SLFN12: variants seen among roughly 807,000 people sequenced by gnomAD.
The protein encoded by SLFN12 is schlafen family member 12, also known as ribonuclease SLFN12.
A neutral mutation model predicts 29.1 loss-of-function variants in SLFN12; 25 were observed. That is an observed-to-expected ratio of 0.86 (90% CI 0.63 to 1.20). SLFN12 has a LOEUF of 1.20. Ranked by LOEUF, SLFN12 falls within the 50% of genes most tolerant of loss-of-function variation. SLFN12 has a pLI of 0.00. For missense variants in SLFN12, 660 were observed against 666.2 expected (o/e 0.99, Z 0.10); for synonymous variants, 257 against 238.7 (o/e 1.08, Z -0.71).
At position 35,420,304 on chromosome 17, in the gene SLFN12, C is replaced by A. The variant is rs557249288; in HGVS notation, c.1117G>T (p.Glu373Ter). The A allele has an allele frequency of 3.1e-6, 5 of 1,613,662 alleles. No homozygotes were observed. Among genetic ancestry groups the A allele is most frequent in the East Asian group, 4.5e-5 (2 of 44,860 alleles). The change falls in exon 3 of 4, where the codon GAA (glutamate) becomes TAA (stop). Residue 373 changes from glutamate (E) to a stop codon, truncating the protein, a stop_gained. Coordinates refer to ENST00000304905, the MANE Select transcript of SLFN12 (RefSeq NM_018042.5). LOFTEE classifies it low-confidence loss of function (END_TRUNC). The part of the protein sequence containing the change: ...LPAPHSWPLL[E>*]WQRQRHHCPG... ...CAGTGATGTCTCTGCCGTTGCCATT[C>A]CAAAAGAGGCCAACTGTGGGGAGCA...
At chr17:35,428,459 C>G (rs2142050323) in intron 1 of SLFN12, among the ~76,000 whole-genome samples, 1 of 152,074 alleles carries the variant, frequency 6.6e-6, no homozygotes, top group East Asian at 1.9e-4. Context: ...GAACTTTTCC[C>G]CTGTAATTTT....
intron 1 of SLFN12, among the ~76,000 whole-genome samples, chr17:35,426,832 G>A (rs1485657578): frequency 6.6e-6 from 1 of 152,036 alleles, no homozygotes; most frequent in Non-Finnish European, 1.5e-5. Context: ...GATTGAGCGG[G>A]GCTTTCTTGA....
intron 1 of SLFN12, among the ~76,000 whole-genome samples, chr17:35,431,215 T>C (rs2142053654): frequency 6.6e-6 from 1 of 152,252 alleles, no homozygotes; most frequent in East Asian, 1.9e-4. Flanking sequence ...AAACCAAACA[T>C]TGGTTATAAA....
chr17:35,422,430 TC>T lies in SLFN12; in HGVS notation c.598del (p.Glu200AsnfsTer42), dbSNP rs1486945919. 6.2e-7 allele frequency: 1 copy of T among 1,612,872 alleles called. No individual in the cohort carries two copies. Among genetic ancestry groups the T allele is most frequent in the East Asian group, 2.2e-5 (1 of 44,894 alleles). ...LDRKEKLTFT[E>X]STHVEIKNFS... ...GTTTTTAATTTCAACATGTGTGGAT[TC>T]AGTAAAGGTCAATTTTTCTTTCCGA... is the stretch of plus-strand genomic sequence containing the variant. On this transcript the variant is annotated frameshift_variant, in exon 2 of 4. Coordinates refer to ENST00000304905, the MANE Select transcript of SLFN12 (RefSeq NM_018042.5). LOFTEE classifies it high-confidence loss of function.
rs1361692958 is a variant in SLFN12 at position 35,411,466 on chromosome 17, C to T, written c.1609G>A (p.Ala537Thr). ...RKYLLKALFK[A>T]LKRLKSLRDQ... ...CTCAGAGACTTGAGTCTCTTTAAGG[C>T]TTTAAAAAGGGCTTTCAGCAAGTAT... Residue 537 changes from alanine (A) to threonine (T), a missense_variant, in exon 4 of 4, where the codon GCC (alanine) becomes ACC (threonine). By Grantham distance (58) the Ala-to-Thr change is moderately conservative. Coordinates refer to ENST00000304905, the MANE Select transcript of SLFN12 (RefSeq NM_018042.5). 2 of 1,613,914 alleles carry T rather than the reference C, an allele frequency of 1.2e-6. No individual in the cohort carries two copies. Among genetic ancestry groups the T allele is most frequent in the Admixed American group, 3.3e-5 (2 of 60,002 alleles).
intron 1 of SLFN12, among the ~76,000 whole-genome samples, chr17:35,424,069 T>C (rs1911859353): frequency 6.6e-6 from 1 of 152,156 alleles, no homozygotes; most frequent in Non-Finnish European, 1.5e-5. Flanking sequence ...CTTTAGTCTA[T>C]GTATCCCTAA....
rs745955407 is a variant in SLFN12, at chr17:35,411,945, A to G, written c.1148-18T>C. ...TGATAGCCCTGAATAAGGAAATAAT[A>G]ATAATAAATTATAAAACACTAGGAA... On this transcript the variant is annotated intron_variant, in intron 3 of 3. Coordinates refer to ENST00000304905, the MANE Select transcript of SLFN12 (RefSeq NM_018042.5). The G allele has an allele frequency of 6.7e-7, 1 of 1,502,656 alleles. No individual in the cohort carries two copies. Among genetic ancestry groups the G allele is most frequent in the South Asian group, 1.4e-5 (1 of 73,244 alleles). The allele number at this position is 1,502,656 out of a possible 1,614,324, so 93.1% of individuals were successfully genotyped here.
chr17:35,423,149 A>T, intron 1 of SLFN12, 81 bp from the exon 2 acceptor site: 2 of 1,455,696 alleles, frequency 1.4e-6, no homozygotes, highest in Non-Finnish European at 1.8e-6. Context: ...AATGCAAAAA[A>T]ATCCTGTGCT....
chr17:35,412,044 T>A, intron 3 of SLFN12, 117 bp from the exon 4 acceptor site: 1 of 712,066 alleles, frequency 1.4e-6, no homozygotes, highest in Non-Finnish European at 2.1e-6. Flanking sequence ...AAAAGTTGTA[T>A]AAAATATATT....
At chr17:35,416,126 T>C (rs536366958) in intron 3 of SLFN12, among the ~76,000 whole-genome samples, 45 of 152,152 alleles carry the variant, frequency 3.0e-4, no homozygotes, top group Admixed American at 1.9e-3. Context: ...AGCCATCAAG[T>C]GGATAAAGAA....
chr17:35,424,539 C>T (rs1911892391), intron 1 of SLFN12, among the ~76,000 whole-genome samples: 1 of 151,900 alleles, frequency 6.6e-6, no homozygotes, highest in Admixed American at 6.5e-5. Context: ...GTAGGTTTTC[C>T]GAGTGGCATA....
chr17:35,428,228 A>T (rs1010375318), intron 1 of SLFN12, among the ~76,000 whole-genome samples: 1 of 152,152 alleles, frequency 6.6e-6, no homozygotes, highest in Non-Finnish European at 1.5e-5. Context: ...GATATATATT[A>T]TCAAATACTT....
At position 35,422,481 on chromosome 17, in the gene SLFN12, AC is replaced by A; in HGVS notation, c.547del (p.Val183PhefsTer14). The A allele has an allele frequency of 1.2e-6, 2 of 1,612,054 alleles. No individual in the cohort carries two copies. Among genetic ancestry groups the A allele is most frequent in the South Asian group, 1.1e-5 (1 of 90,478 alleles). On this transcript the variant is annotated frameshift_variant, in exon 2 of 4. Transcript: ENST00000304905. LOFTEE classifies it high-confidence loss of function. ...ATCAAGTTCTGTTCTATCAAAAAAA[AC>A]CCCGGCCAAGGCCTTCATGTTATTT... Reference protein sequence around the residue: ...EENNMKALAGVFFDRTELDRK... With the variant: ...EENNMKALAGXFFDRTELDRK...
chr17:35,427,141 T>C (rs891559140), intron 1 of SLFN12, among the ~76,000 whole-genome samples: 2 of 152,288 alleles, frequency 1.3e-5, no homozygotes, highest in Middle Eastern at 3.4e-3. Context: ...CTAGGAGCAG[T>C]GATGCTGCCT....
At chr17:35,428,879 T>C (rs1417351399) in intron 1 of SLFN12, among the ~76,000 whole-genome samples, 1 of 152,110 alleles carries the variant, frequency 6.6e-6, no homozygotes, top group African/African-American at 2.4e-5. Context: ...TTTCTTCATA[T>C]TTCTTGCACA....
In SLFN12 at chr17:35,422,817, G is replaced by A. The variant is rs747902618; in HGVS notation, c.212C>T (p.Thr71Ile). 6 of 1,613,672 alleles carry A rather than the reference G, an allele frequency of 3.7e-6. No individual in the cohort carries two copies. The African/African-American group carries it at 4.0e-5, about 11-fold the overall frequency. Reference protein sequence around the residue: ...AEIENEDYSYTKDGIGLDLEN... With the variant: ...AEIENEDYSYIKDGIGLDLEN... ...CAAATCTAGTCCTATTCCATCTTTT[G>A]TATAACTATAGTCTTCATTCTCAAT... Residue 71 changes from threonine (T) to isoleucine (I), a missense_variant, in exon 2 of 4, where the codon ACA becomes ATA. Physicochemically the swap from Thr to Ile is moderately conservative, Grantham distance 89. Transcript: ENST00000304905.
chr17:35,412,851 A>C (rs1911104074), intron 3 of SLFN12, among the ~76,000 whole-genome samples: 1 of 152,116 alleles, frequency 6.6e-6, no homozygotes, highest in South Asian at 2.1e-4. Flanking sequence ...AATAATAATA[A>C]AATAGATGAA....
intron 1 of SLFN12, among the ~76,000 whole-genome samples, chr17:35,423,814 A>G (rs1911845694): frequency 6.6e-6 from 1 of 152,136 alleles, no homozygotes; most frequent in Admixed American, 6.5e-5. Context: ...GCCCTCATGA[A>G]TGAGATTAGT....
rs566201006 is a variant in SLFN12, at chr17:35,423,077, TAGAC to T, written c.-40-13_-40-10del. On this transcript the variant is annotated splice_polypyrimidine_tract_variant and intron_variant, in intron 1 of 3. Transcript: ENST00000304905. Reference sequence around the variant, plus strand: ...CAAGCAGAAATTCTTTTCTGTAAAATAGACAGAGCCATTAGAATAGGACCTGAAC... The same window carrying T: ...CAAGCAGAAATTCTTTTCTGTAAAATAGAGCCATTAGAATAGGACCTGAAC... 1.7e-5 allele frequency: 27 copies of T among 1,548,454 alleles called. No individual in the cohort carries two copies. The highest frequency in any genetic ancestry group is 2.7e-5 in the African/African-American group (2 of 72,912).
Sources: gnomAD v4.1 joint callset for allele counts (sites outside exome capture counted in the v4.1 genomes callset) on GRCh38, gnomAD v4.1.1 for gene constraint, MANE v1.5 for transcripts, NCBI Gene and HGNC (gene_info 2026-07-23, HGNC 2026-07-21) for gene names.